ALMS1: variants seen among roughly 807,000 people sequenced by gnomAD.
ALMS1 encodes the protein centrosome-associated protein ALMS1.
Under a neutral mutation model 352.2 loss-of-function variants are expected in ALMS1, and 271 were observed. The ratio of observed to expected loss-of-function variants is 0.77; its 90% CI spans 0.70 to 0.85. The LOEUF is 0.85. Ranked by LOEUF, ALMS1 falls within the 40% of genes least tolerant of loss-of-function variation. The pLI, the probability that ALMS1 is intolerant of heterozygous loss-of-function variation, is 0.00. For synonymous variants in ALMS1, 1,865 were observed against 1,761.2 expected (o/e 1.06, Z -1.48); for missense variants, 5,445 against 4,870.7 (o/e 1.12, Z -3.51).
chr2:73,452,982 A>C lies in ALMS1; in HGVS notation c.6455A>C (p.Tyr2152Ser). ...CATCGAGAGAAACCAGATATTTTCT[A>C]TCAAAAGGATTTGCCAGATAGACAT... ...FSHREKPDIF[Y>S]QKDLPDRHLT... The change falls in exon 8 of 23, where the codon TAT (tyrosine) becomes TCT (serine). Residue 2152 changes from tyrosine to serine, a missense_variant. By Grantham distance (144) the Tyr-to-Ser change is moderately radical. Coordinates refer to ENST00000613296, the MANE Select transcript of ALMS1 (RefSeq NM_001378454.1). 1 of 1,612,414 alleles carries C rather than the reference A, an allele frequency of 6.2e-7. No individual in the cohort carries two copies. Among genetic ancestry groups the C allele is most frequent in the Non-Finnish European group, 8.5e-7 (1 of 1,179,182 alleles).
intron 9 of ALMS1, among the ~76,000 whole-genome samples, chr2:73,486,855 G>A (rs976656508): frequency 6.6e-6 from 1 of 152,144 alleles, no homozygotes; most frequent in African/African-American, 2.4e-5. Flanking sequence ...TTGGAGACCA[G>A]CCTGGGCAAC....
chr2:73,465,046 AT>A (rs1411714990), intron 9 of ALMS1, among the ~76,000 whole-genome samples: 6 of 152,208 alleles, frequency 3.9e-5, no homozygotes, highest in Non-Finnish European at 8.8e-5. Flanking sequence ...ATTCAATGCC[AT>A]CCCCATCAAG....
intron 12 of ALMS1, among the ~76,000 whole-genome samples, chr2:73,542,512 A>G (rs990618751): frequency 2.0e-5 from 3 of 152,196 alleles, no homozygotes; most frequent in African/African-American, 7.2e-5. Flanking sequence ...AGTTCTGGCC[A>G]GGGCAATCAG....
rs2103789247 is a variant in ALMS1 at position 73,452,721 on chromosome 2, G to A, written c.6194G>A (p.Arg2065Lys). 2 of 1,613,620 alleles carry A rather than the reference G, an allele frequency of 1.2e-6. No homozygotes were observed. The highest frequency in any genetic ancestry group is 1.7e-6 in the Non-Finnish European group (2 of 1,179,976). The change falls in exon 8 of 23, where the codon AGA becomes AAA. Residue 2065 changes from arginine (R) to lysine (K), a missense_variant. Transcript: ENST00000613296. The part of the protein sequence containing the change: ...NILFQQQLPD[R>K]DQSKGILKIS... ...TTATTTCAACAGCAGTTGCCAGATA[G>A]AGATCAAAGTAAAGGTATTCTAAAG...
Position 73,573,405 on chromosome 2 carries a change from C to T in ALMS1, c.11528C>T (p.Thr3843Ile). 6.2e-7 allele frequency: 1 copy of T among 1,614,006 alleles called. No individual in the cohort carries two copies. Among genetic ancestry groups the T allele is most frequent in the East Asian group, 2.2e-5 (1 of 44,864 alleles). ...CATCCCCTAGTGACTTCTGAGCACACCAGAAGGAGACACATCCAGGTACAT... is the reference window on the plus strand; with the variant it reads ...CATCCCCTAGTGACTTCTGAGCACATCAGAAGGAGACACATCCAGGTACAT... ...TGHPLVTSEHTRRRHIQVANH... is the reference protein window; with the variant it reads ...TGHPLVTSEHIRRRHIQVANH... The change falls in exon 16 of 23, where the codon ACC becomes ATC. Residue 3843 changes from threonine (T) to isoleucine (I), a missense_variant. Thr to Ile is a moderately conservative substitution (Grantham distance 89). Transcript: ENST00000613296.
chr2:73,601,159 A>C, intron 18 of ALMS1, 36 bp from the exon 19 acceptor site: 1 of 1,613,674 alleles, frequency 6.2e-7, no homozygotes, highest in Non-Finnish European at 8.5e-7. Flanking sequence ...AAAAAAGTGA[A>C]AAATCTGTGT....
At chr2:73,553,478 G>A (rs547563954) in intron 13 of ALMS1, among the ~76,000 whole-genome samples, 1 of 152,282 alleles carries the variant, frequency 6.6e-6, no homozygotes, top group Non-Finnish European at 1.5e-5. Flanking sequence ...ATACTTAGAG[G>A]AGGTTTTCAG....
intron 16 of ALMS1, among the ~76,000 whole-genome samples, chr2:73,579,964 C>A (rs1675138438): frequency 6.6e-6 from 1 of 152,092 alleles, no homozygotes; most frequent in South Asian, 2.1e-4. Flanking sequence ...TCCAAATATT[C>A]CTTCTGCCCC....
At chr2:73,595,312 C>T (rs1012371667) in intron 16 of ALMS1, among the ~76,000 whole-genome samples, 1 of 152,178 alleles carries the variant, frequency 6.6e-6, no homozygotes, top group Non-Finnish European at 1.5e-5. Flanking sequence ...GCCCTTGTAC[C>T]TCTTTGCAGT....
chr2:73,444,454 A>G (rs182960010), intron 7 of ALMS1, among the ~76,000 whole-genome samples: 10 of 152,224 alleles, frequency 6.6e-5, no homozygotes, highest in African/African-American at 2.4e-4. Context: ...CTGCCCACTT[A>G]GGAATGAGGA....
intron 3 of ALMS1, among the ~76,000 whole-genome samples, chr2:73,419,567 T>C (rs778173713): frequency 1.3e-5 from 2 of 152,194 alleles, no homozygotes; most frequent in Non-Finnish European, 2.9e-5. Context: ...AGGTGATAAC[T>C]GTCTACTGTG....
intron 15 of ALMS1, among the ~76,000 whole-genome samples, chr2:73,569,592 A>G (rs1420583820): frequency 6.6e-6 from 1 of 152,158 alleles, no homozygotes; most frequent in Admixed American, 6.6e-5. Context: ...TTTAAGAATA[A>G]AATTTAAAGT....
intron 9 of ALMS1, among the ~76,000 whole-genome samples, chr2:73,486,034 T>A (rs1424621333): frequency 5.9e-5 from 9 of 152,012 alleles, no homozygotes; most frequent in Non-Finnish European, 8.8e-5. Flanking sequence ...CACCGTCTTC[T>A]GCGTGGCTCA....
At chr2:73,528,899 T>C (rs1673850657) in intron 11 of ALMS1, among the ~76,000 whole-genome samples, 1 of 152,110 alleles carries the variant, frequency 6.6e-6, no homozygotes, top group Non-Finnish European at 1.5e-5. Context: ...TGATGCATTC[T>C]TTAGTGTGTC....
chr2:73,575,170 TATTG>T (rs1558700704), intron 16 of ALMS1, among the ~76,000 whole-genome samples: 1 of 152,226 alleles, frequency 6.6e-6, no homozygotes, highest in Non-Finnish European at 1.5e-5. Context: ...TCCATTCATT[TATTG>T]ATTTGGGTTG....
chr2:73,445,035 T>G (rs1443535384), intron 7 of ALMS1, among the ~76,000 whole-genome samples: 1 of 105,208 alleles, frequency 9.5e-6, no homozygotes, highest in Non-Finnish European at 2.5e-5. Flanking sequence ...AAAACATGAA[T>G]TTGAGTTTAC....
chr2:73,389,006 C>T (rs978866985), intron 1 of ALMS1, among the ~76,000 whole-genome samples: 1 of 152,130 alleles, frequency 6.6e-6, no homozygotes, highest in African/African-American at 2.4e-5. Flanking sequence ...TTGAGTTCTT[C>T]AAGAAATCTC....
chr2:73,500,621 A>T (rs1035620894), intron 10 of ALMS1, among the ~76,000 whole-genome samples: 11 of 152,106 alleles, frequency 7.2e-5, no homozygotes, highest in African/African-American at 2.2e-4. Flanking sequence ...CTCTATATAG[A>T]GTGTTGGGAG....
At chr2:73,427,540 A>G (rs1671407322) in intron 6 of ALMS1, among the ~76,000 whole-genome samples, 1 of 151,868 alleles carries the variant, frequency 6.6e-6, no homozygotes, top group South Asian at 2.1e-4. Context: ...CAGAACGTGC[A>G]GGTTTGTTAC....
Sources: allele counts gnomAD v4.1 joint callset (sites outside exome capture counted in the v4.1 genomes callset), GRCh38; gene constraint gnomAD v4.1.1; transcripts MANE v1.5; gene names NCBI Gene and HGNC (gene_info 2026-07-23, HGNC 2026-07-21).